The following KCNQ5 variants were observed in gnomAD, a reference collection of about 807,000 sequenced individuals.
The protein encoded by KCNQ5 is potassium voltage-gated channel subfamily Q member 5.
In KCNQ5, 30 loss-of-function variants were observed where a neutral mutation model predicts 98.2. The observed-to-expected ratio is 0.31, with a 90% CI of 0.23 to 0.41. The LOEUF (loss-of-function observed/expected upper bound fraction) is 0.41, where lower values mean the gene tolerates loss of function less well. Among genes scored for constraint, KCNQ5 ranks in the 10% least tolerant of loss-of-function variants. The pLI is 1.00. For synonymous variants in KCNQ5, 458 were observed against 449.4 expected, an observed-to-expected ratio of 1.02 and a Z score of -0.24; for missense variants, 835 against 1,182.5, an observed-to-expected ratio of 0.71 and a Z score of 4.31.
At chr6:73,018,825 A>T (rs1249210878) in intron 2 of KCNQ5, among the ~76,000 whole-genome samples, 2 of 152,142 alleles carry the variant, frequency 1.3e-5, no homozygotes, top group African/African-American at 4.8e-5. Flanking sequence ...GAAGTTAGAG[A>T]TTATTTTTCT....
intron 1 of KCNQ5, among the ~76,000 whole-genome samples, chr6:72,672,861 G>A (rs547751421): frequency 2.6e-5 from 4 of 152,244 alleles, no homozygotes; most frequent in African/African-American, 9.6e-5. Context: ...AAAAATGATA[G>A]GAATGATAAA....
rs80306530 is a variant in KCNQ5, at chr6:72,689,051, A to C, written c.398+66464A>C. 3.2e-3 allele frequency among the ~76,000 whole-genome samples: 489 copies of C among 152,338 alleles called. 4 individuals are homozygous for C. The highest frequency in any genetic ancestry group is 0.011 in the African/African-American group (473 of 41,576). ...TGTAACCTTAAGTCATTAAATGTTCATTACTCATTCAAAGTTCTTGCAGTT... is the reference window on the plus strand; with the variant it reads ...TGTAACCTTAAGTCATTAAATGTTCCTTACTCATTCAAAGTTCTTGCAGTT... On this transcript the variant is annotated intron_variant, in intron 1 of 13. Transcript: ENST00000370398.
chr6:72,681,297 T>C (rs779175947), intron 1 of KCNQ5, among the ~76,000 whole-genome samples: 2 of 152,206 alleles, frequency 1.3e-5, no homozygotes, highest in Non-Finnish European at 2.9e-5. Flanking sequence ...ACAATGATGA[T>C]AAGAGATAAT....
chr6:72,899,791 C>A (rs550011584), intron 1 of KCNQ5, among the ~76,000 whole-genome samples: 1 of 151,758 alleles, frequency 6.6e-6, no homozygotes, highest in Non-Finnish European at 1.5e-5. Context: ...GTCTTTTATC[C>A]CTCACCCCCT....
intron 2 of KCNQ5, among the ~76,000 whole-genome samples, chr6:73,012,474 G>C (rs896240531): frequency 1.3e-5 from 2 of 152,044 alleles, no homozygotes; most frequent in East Asian, 3.9e-4. Context: ...AGGGATCAGG[G>C]AATAGTGAGT....
At chr6:73,048,925 G>T (rs1772091258) in intron 3 of KCNQ5, among the ~76,000 whole-genome samples, 1 of 152,156 alleles carries the variant, frequency 6.6e-6, no homozygotes, top group Non-Finnish European at 1.5e-5. Context: ...TTGCAGTGCA[G>T]AATTATTTCA....
intron 1 of KCNQ5, among the ~76,000 whole-genome samples, chr6:72,838,528 A>G (rs1776616197): frequency 6.6e-6 from 1 of 152,220 alleles, no homozygotes; most frequent in Non-Finnish European, 1.5e-5. Context: ...TATAACCTAA[A>G]GAAACACCAA....
At chr6:72,779,183 C>A (rs1740401794) in intron 1 of KCNQ5, among the ~76,000 whole-genome samples, 1 of 152,106 alleles carries the variant, frequency 6.6e-6, no homozygotes, top group South Asian at 2.1e-4. Context: ...TTGTAGGCTA[C>A]AGGGAAGGAT....
chr6:72,929,526 G>A (rs1193786671), intron 1 of KCNQ5, among the ~76,000 whole-genome samples: 1 of 152,086 alleles, frequency 6.6e-6, no homozygotes, highest in East Asian at 1.9e-4. Context: ...GTTTCATGTG[G>A]CTTTAAACTG....
chr6:73,012,336 A>G (rs1770101718), intron 2 of KCNQ5, among the ~76,000 whole-genome samples: 1 of 152,160 alleles, frequency 6.6e-6, no homozygotes, highest in African/African-American at 2.4e-5. Flanking sequence ...TGTTGGGGAC[A>G]TTATGCCAAG....
chr6:73,063,686 T>TAGATAGATAGATAGATGATA (rs55995543), intron 3 of KCNQ5, among the ~76,000 whole-genome samples: 20 of 93,276 alleles, frequency 2.1e-4, no homozygotes, highest in East Asian at 6.5e-4. Flanking sequence ...GATAGATAGA[T>TAGATAGATAGATAGATGATA]GATAGATAGA....
At chr6:73,145,169 G>A (rs1776872336) in intron 10 of KCNQ5, among the ~76,000 whole-genome samples, 1 of 152,174 alleles carries the variant, frequency 6.6e-6, no homozygotes, top group Non-Finnish European at 1.5e-5. Flanking sequence ...GAAAGAAAAG[G>A]AAAATAGCAT....
At chr6:72,701,766 G>A (rs1407748005) in intron 1 of KCNQ5, among the ~76,000 whole-genome samples, 1 of 152,070 alleles carries the variant, frequency 6.6e-6, no homozygotes, top group Non-Finnish European at 1.5e-5. Flanking sequence ...CGAGGCTGGA[G>A]TGCAATGGTG....
chr6:72,708,039 G>C (rs1487480520), intron 1 of KCNQ5, among the ~76,000 whole-genome samples: 1 of 152,046 alleles, frequency 6.6e-6, no homozygotes, highest in Non-Finnish European at 1.5e-5. Flanking sequence ...AGCTATCCAG[G>C]GCAAAACAGA....
intron 1 of KCNQ5, among the ~76,000 whole-genome samples, chr6:72,741,172 T>C (rs1423938062): frequency 6.6e-6 from 1 of 152,180 alleles, no homozygotes; most frequent in Non-Finnish European, 1.5e-5. Context: ...GAACTTTGAT[T>C]GGCATGAGCT....
At chr6:72,634,602 G>A (rs1329105405) in intron 1 of KCNQ5, among the ~76,000 whole-genome samples, 1 of 152,192 alleles carries the variant, frequency 6.6e-6, no homozygotes, top group Non-Finnish European at 1.5e-5. Context: ...GAGTCACTCT[G>A]TTGCCCAGGC....
intron 1 of KCNQ5, among the ~76,000 whole-genome samples, chr6:72,994,810 A>G (rs545102246): frequency 1.3e-5 from 2 of 152,342 alleles, no homozygotes; most frequent in African/African-American, 2.4e-5. Context: ...GCTTTGTATC[A>G]TAAGGTATCA....
rs1765799510 is a variant in KCNQ5, at chr6:73,196,625, GA to G, written c.*1214del. ...GCTATTATGTGTACATTTTGCATAT[GA>G]AAGTCTAAAACGAAACTTCCTTTAC... On this transcript the variant is annotated 3_prime_UTR_variant, in exon 14 of 14. Transcript: ENST00000370398. 6.6e-6 allele frequency: 1 copy of G among 152,100 alleles called. No individual in the cohort carries two copies. The allele number at this position is 152,100 out of a possible 1,614,324, so 9.4% of individuals were successfully genotyped here.
intron 10 of KCNQ5, among the ~76,000 whole-genome samples, chr6:73,153,931 T>A (rs541783445): frequency 3.7e-4 from 55 of 149,924 alleles, no homozygotes; most frequent in African/African-American, 1.3e-3. Context: ...GCTCTCCAAA[T>A]TGCATCTACT....
Sources: allele counts gnomAD v4.1 joint callset (sites outside exome capture counted in the v4.1 genomes callset), GRCh38; gene constraint gnomAD v4.1.1; transcripts MANE v1.5; gene names NCBI Gene and HGNC (gene_info 2026-07-23, HGNC 2026-07-21).